Variants in ZCWPW2 observed in about 807,000 individuals in gnomAD.
ZCWPW2 encodes zinc finger CW-type and PWWP domain containing 2.
A neutral mutation model predicts 46.6 loss-of-function variants in ZCWPW2; 45 were observed. The ratio of observed to expected loss-of-function variants is 0.96; its 90% CI spans 0.76 to 1.24. The LOEUF (loss-of-function observed/expected upper bound fraction) is 1.24. ZCWPW2 is among the 50% of genes most tolerant of loss of function. The pLI is 0.00. For synonymous variants in ZCWPW2, 152 were observed against 137.1 expected, an observed-to-expected ratio of 1.11 and a Z score of -0.76; for missense variants, 429 against 403.9, an observed-to-expected ratio of 1.06 and a Z score of -0.53.
intron 6 of ZCWPW2, among the ~76,000 whole-genome samples, chr3:28,513,202 A>G (rs568370477): frequency 6.6e-6 from 1 of 152,270 alleles, no homozygotes; most frequent in South Asian, 2.1e-4. Context: ...CAAATGATCT[A>G]TATGCTCTTA....
At chr3:28,414,579 G>T (rs1181360032) in intron 3 of ZCWPW2, among the ~76,000 whole-genome samples, 1 of 143,852 alleles carries the variant, frequency 7.0e-6, no homozygotes, top group Non-Finnish European at 1.5e-5. Context: ...TTAGCGTTAG[G>T]TATATCTCCG....
At chr3:28,352,992 T>A (rs1167945753) in intron 1 of ZCWPW2, among the ~76,000 whole-genome samples, 8 of 152,102 alleles carry the variant, frequency 5.3e-5, no homozygotes, top group Non-Finnish European at 1.2e-4. Flanking sequence ...AAGACCAGCC[T>A]GGACAACATG....
At chr3:28,477,687 A>G (rs931244736) in intron 4 of ZCWPW2, among the ~76,000 whole-genome samples, 6 of 152,170 alleles carry the variant, frequency 3.9e-5, no homozygotes, top group African/African-American at 1.4e-4. Context: ...TTAATTCAAT[A>G]TGGGTCTTAT....
intron 4 of ZCWPW2, among the ~76,000 whole-genome samples, chr3:28,448,912 C>T (rs1337608592): frequency 6.9e-6 from 1 of 145,738 alleles, no homozygotes; most frequent in Non-Finnish European, 1.5e-5. Context: ...GCATGAATAG[C>T]AAAACCCATC....
intron 5 of ZCWPW2, among the ~76,000 whole-genome samples, chr3:28,480,398 A>C (rs1575185431): frequency 6.7e-6 from 1 of 149,852 alleles, no homozygotes; most frequent in Non-Finnish European, 1.5e-5. Context: ...TCCTTTGCCC[A>C]CTTTTTAATG....
In ZCWPW2 at chr3:28,416,954, C is replaced by A. The variant is rs994906208; in HGVS notation, c.332+3554C>A. On this transcript the variant is annotated intron_variant, in intron 3 of 9. Coordinates refer to ENST00000383768, the MANE Select transcript of ZCWPW2 (RefSeq NM_001040432.4). The stretch of plus-strand genomic sequence containing the variant: ...TGAGGATTTCTGCATCGATGTTCAT[C>A]AAGGATATTGGTCTAAAATTCTCTT... Among the ~76,000 whole-genome samples the A allele has an allele frequency of 2.0e-5, 3 of 147,756 alleles. No homozygotes were observed. In the South Asian group the frequency reaches 6.6e-4, roughly 33 times the overall value.
At chr3:28,430,555 G>A (rs1178418097) in intron 3 of ZCWPW2, among the ~76,000 whole-genome samples, 6 of 152,206 alleles carry the variant, frequency 3.9e-5, no homozygotes, top group African/African-American at 1.4e-4. Context: ...GGAAGGGCAT[G>A]ATTGTGTTTT....
chr3:28,435,579 G>A (rs1433416502), intron 4 of ZCWPW2, among the ~76,000 whole-genome samples: 1 of 148,836 alleles, frequency 6.7e-6, no homozygotes, highest in Non-Finnish European at 1.5e-5. Flanking sequence ...TCCGCCTCCT[G>A]GGTTCACGCC....
intron 1 of ZCWPW2, among the ~76,000 whole-genome samples, chr3:28,388,165 A>G (rs777433258): frequency 6.6e-6 from 1 of 152,144 alleles, no homozygotes; most frequent in Non-Finnish European, 1.5e-5. Context: ...GATGACGCCC[A>G]CCTACATTGT....
intron 2 of ZCWPW2, among the ~76,000 whole-genome samples, chr3:28,406,328 A>T (rs151168173): frequency 1.8e-3 from 277 of 152,330 alleles, no homozygotes; most frequent in Non-Finnish European, 3.1e-3. Context: ...GCCAATATCT[A>T]TTATCCAAGA....
intron 4 of ZCWPW2, among the ~76,000 whole-genome samples, chr3:28,442,994 C>A (rs1697829914): frequency 6.6e-6 from 1 of 152,142 alleles, no homozygotes. Flanking sequence ...AGTCAGGTAG[C>A]CAATGTGGGG....
chr3:28,454,086 C>G (rs1001351088), intron 4 of ZCWPW2, among the ~76,000 whole-genome samples: 1 of 151,848 alleles, frequency 6.6e-6, no homozygotes, highest in Admixed American at 6.6e-5. Flanking sequence ...CCTCGTGATC[C>G]GCCCGCCTCG....
intron 2 of ZCWPW2, among the ~76,000 whole-genome samples, chr3:28,394,289 G>A (rs1695609033): frequency 6.6e-6 from 1 of 151,972 alleles, no homozygotes; most frequent in Non-Finnish European, 1.5e-5. Flanking sequence ...CAAATGGGAA[G>A]ATATTTCATA....
chr3:28,516,960 T>G (rs2125835982), intron 8 of ZCWPW2, among the ~76,000 whole-genome samples: 2 of 152,286 alleles, frequency 1.3e-5, no homozygotes, highest in South Asian at 4.1e-4. Flanking sequence ...TGCAGTGATC[T>G]ATGATCACGC....
intron 4 of ZCWPW2, 29 bp from the exon 5 acceptor site, chr3:28,478,785 A>AT (rs778924387): frequency 7.1e-6 from 9 of 1,267,984 alleles, no homozygotes; most frequent in African/African-American, 6.3e-5. Context: ...TTAAAAATGA[A>AT]TTTTTTTCTT....
chr3:28,446,833 C>T (rs1229226597), intron 4 of ZCWPW2, among the ~76,000 whole-genome samples: 1 of 151,954 alleles, frequency 6.6e-6, no homozygotes, highest in Non-Finnish European at 1.5e-5. Context: ...AAAGCAGGGA[C>T]ATTACTACCA....
At chr3:28,404,669 G>GAT (rs1287266877) in intron 2 of ZCWPW2, among the ~76,000 whole-genome samples, 43 of 152,074 alleles carry the variant, frequency 2.8e-4, no homozygotes, top group African/African-American at 8.9e-4. Context: ...AAGAAACAGT[G>GAT]ATATATATAT....
At chr3:28,480,501 C>A (rs1699389665) in intron 5 of ZCWPW2, among the ~76,000 whole-genome samples, 1 of 150,920 alleles carries the variant, frequency 6.6e-6, no homozygotes, top group South Asian at 2.2e-4. Context: ...TTGTCAGATG[C>A]ATAGATTGCA....
chr3:28,350,600 A>G (rs1190385086), intron 1 of ZCWPW2, among the ~76,000 whole-genome samples: 1 of 152,080 alleles, frequency 6.6e-6, no homozygotes, highest in African/African-American at 2.4e-5. Context: ...AACCCCTGCT[A>G]GATTATGACA....
Sources: allele counts gnomAD v4.1 joint callset (sites outside exome capture counted in the v4.1 genomes callset), GRCh38; gene constraint gnomAD v4.1.1; transcripts MANE v1.5; gene names NCBI Gene and HGNC (gene_info 2026-07-23, HGNC 2026-07-21).